RNF11: variants seen among roughly 807,000 people sequenced by gnomAD.
RNF11 encodes the protein ring finger protein 11.
RNF11 carries 4 observed loss-of-function variants against 15.8 expected under a neutral mutation model. That is an observed-to-expected ratio of 0.25 (90% CI 0.12 to 0.58). The LOEUF (loss-of-function observed/expected upper bound fraction) is 0.58. RNF11 is among the 20% of genes least tolerant of loss of function. The probability of loss-of-function intolerance (pLI) is 0.91; values close to 1 mark genes in which losing one functional copy is unlikely to be tolerated. For missense variants in RNF11, 139 were observed against 194.4 expected, an observed-to-expected ratio of 0.71 and a Z score of 1.70; for synonymous variants, 68 against 72.3, an observed-to-expected ratio of 0.94 and a Z score of 0.30.
intron 1 of RNF11, among the ~76,000 whole-genome samples, chr1:51,263,483 G>A (rs1044043640): frequency 6.6e-6 from 1 of 152,136 alleles, no homozygotes; most frequent in African/African-American, 2.4e-5. Flanking sequence ...ACAACTTGAA[G>A]GTTTGTGGCA....
At chr1:51,264,323 C>CAA (rs1646945933) in intron 1 of RNF11, among the ~76,000 whole-genome samples, 1 of 103,874 alleles carries the variant, frequency 9.6e-6, no homozygotes, top group Non-Finnish European at 1.9e-5. Flanking sequence ...TATATACACA[C>CAA]ACACACACAC....
chr1:51,270,137 T>G lies in RNF11; in HGVS notation c.293+12T>G, dbSNP rs1646971650. 1 of 1,584,772 alleles carries G rather than the reference T, an allele frequency of 6.3e-7. No homozygotes were observed. Among genetic ancestry groups the G allele is most frequent in the Non-Finnish European group, 8.5e-7 (1 of 1,169,914 alleles). On this transcript the variant is annotated intron_variant, in intron 2 of 2. Transcript: ENST00000242719. The stretch of plus-strand genomic sequence containing the variant: ...AAAAAGATCCGGGAGTAAGTTTTAA[T>G]TAATTTGTACATTTCAAAGTTTTAT...
chr1:51,240,453 C>T (rs1553168353), intron 1 of RNF11, among the ~76,000 whole-genome samples: 1 of 152,136 alleles, frequency 6.6e-6, no homozygotes, highest in Non-Finnish European at 1.5e-5. Context: ...TGTTGTTTTC[C>T]CCCCCAATAC....
chr1:51,266,866 T>C (rs758019414), intron 1 of RNF11, among the ~76,000 whole-genome samples: 12 of 152,274 alleles, frequency 7.9e-5, no homozygotes, highest in East Asian at 1.9e-4. Context: ...TATATAATTA[T>C]GTTGAGTCCC....
rs1053981473 is a variant in RNF11 at position 51,236,340 on chromosome 1, C to T, written c.-417C>T. ...AGGCGGAGTAGGATGAGGCCCGCGG[C>T]CGTGGCTCCGGCGTCGGCGGGGGCA... On this transcript the variant is annotated 5_prime_UTR_variant, in exon 1 of 3. Coordinates refer to ENST00000242719, the MANE Select transcript of RNF11 (RefSeq NM_014372.5). 1.2e-4 allele frequency: 19 copies of T among 154,516 alleles called. No individual in the cohort carries two copies. The highest frequency in any genetic ancestry group is 5.7e-5 in the Non-Finnish European group (4 of 69,626). 9.6% of individuals were successfully genotyped at this position (154,516 alleles called of 1,614,324 possible). A position where few individuals can be genotyped will look rare whatever the true frequency, so the allele number is the denominator to read the frequency against.
At chr1:51,249,272 A>G (rs1646866501) in intron 1 of RNF11, among the ~76,000 whole-genome samples, 1 of 152,154 alleles carries the variant, frequency 6.6e-6, no homozygotes, top group Admixed American at 6.6e-5. Context: ...TGACTGATTG[A>G]TTGGTCGATT....
In RNF11 at chr1:51,257,854, T is replaced by TTTTC. The variant is rs908579605; in HGVS notation, c.124-12099_124-12098insCTTT. On this transcript the variant is annotated intron_variant, in intron 1 of 2. Transcript: ENST00000242719. Reference sequence around the variant, plus strand: ...TTCTTATTTCTTTTCTTTTCTTTTCTTTTTTTTTTTTTTTTTTGAGACAAA... The same window carrying TTTTC: ...TTCTTATTTCTTTTCTTTTCTTTTCTTTTCTTTTTTTTTTTTTTTTTGAGACAAA... Among the ~76,000 whole-genome samples, 16 of 116,480 alleles carry TTTTC rather than the reference T, an allele frequency of 1.4e-4. No homozygotes were observed. The South Asian group carries it at 1.5e-3, about 11-fold the overall frequency. 76.4% of individuals were successfully genotyped at this position (116,480 alleles called of 152,430 possible).
intron 1 of RNF11, among the ~76,000 whole-genome samples, chr1:51,261,346 A>G (rs1646929865): frequency 6.6e-6 from 1 of 152,174 alleles, no homozygotes; most frequent in Non-Finnish European, 1.5e-5. Context: ...CATGGCAAAA[A>G]AAAAAAGTGT....
intron 1 of RNF11, among the ~76,000 whole-genome samples, chr1:51,239,181 G>A (rs1646818157): frequency 1.3e-5 from 2 of 152,030 alleles, no homozygotes; most frequent in Non-Finnish European, 2.9e-5. Flanking sequence ...TTTCTTAATT[G>A]AATATCTTTG....
intron 1 of RNF11, among the ~76,000 whole-genome samples, chr1:51,255,798 A>T (rs1646901892): frequency 6.6e-6 from 1 of 152,194 alleles, no homozygotes; most frequent in Non-Finnish European, 1.5e-5. Context: ...ATGAGAGTAC[A>T]TCTCTGGACT....
At chr1:51,239,611 A>G (rs1646819744) in intron 1 of RNF11, among the ~76,000 whole-genome samples, 1 of 152,066 alleles carries the variant, frequency 6.6e-6, no homozygotes, top group Admixed American at 6.6e-5. Context: ...TCCAGGTTAG[A>G]CTGGATTGCT....
Position 51,272,582 on chromosome 1 carries a change from C to T in RNF11, c.*1260C>T, listed in dbSNP as rs1183378906. The T allele has an allele frequency of 1.3e-5, 2 of 152,550 alleles. No homozygotes were observed. The highest frequency in any genetic ancestry group is 2.9e-5 in the Non-Finnish European group (2 of 67,982). The allele number at this position is 152,550 out of a possible 1,614,324, so 9.4% of individuals were successfully genotyped here. ...CAGTTAATGTAAGAATACTTTAAAT[C>T]TCTAAGCTTCTGAAGTGTTAGAGGT... On this transcript the variant is annotated 3_prime_UTR_variant, in exon 3 of 3. Coordinates refer to ENST00000242719, the MANE Select transcript of RNF11 (RefSeq NM_014372.5).
chr1:51,260,861 A>G (rs1646927844), intron 1 of RNF11, among the ~76,000 whole-genome samples: 1 of 152,160 alleles, frequency 6.6e-6, no homozygotes, highest in African/African-American at 2.4e-5. Context: ...TTGCATTTTC[A>G]CTTGTGAATA....
intron 1 of RNF11, among the ~76,000 whole-genome samples, chr1:51,255,726 A>G (rs1417371047): frequency 6.6e-6 from 1 of 152,202 alleles, no homozygotes; most frequent in African/African-American, 2.4e-5. Flanking sequence ...TTTGTTGAAA[A>G]TAGTTTTCTT....
At chr1:51,249,693 A>G (rs941807941) in intron 1 of RNF11, among the ~76,000 whole-genome samples, 25 of 152,162 alleles carry the variant, frequency 1.6e-4, no homozygotes, top group African/African-American at 5.8e-4. Flanking sequence ...AATATACCAC[A>G]TTTTACTTAT....
chr1:51,259,498 T>C (rs1050734320), intron 1 of RNF11, among the ~76,000 whole-genome samples: 3 of 152,230 alleles, frequency 2.0e-5, no homozygotes, highest in African/African-American at 7.2e-5. Context: ...TTAAAAAATG[T>C]TGTATAATGC....
intron 2 of RNF11, 88 bp from the exon 3 acceptor site, chr1:51,271,063 T>A: frequency 9.0e-7 from 1 of 1,115,864 alleles, no homozygotes; most frequent in Non-Finnish European, 1.3e-6. Context: ...TTACTCAGAT[T>A]AACACTGTCT....
At chr1:51,257,460 T>C (rs1470411300) in intron 1 of RNF11, among the ~76,000 whole-genome samples, 1 of 152,138 alleles carries the variant, frequency 6.6e-6, no homozygotes, top group Non-Finnish European at 1.5e-5. Context: ...ATTTTTTGTT[T>C]GTTTTTTTGT....
At chr1:51,253,209 G>A (rs1281680835) in intron 1 of RNF11, among the ~76,000 whole-genome samples, 1 of 152,084 alleles carries the variant, frequency 6.6e-6, no homozygotes, top group African/African-American at 2.4e-5. Flanking sequence ...AAAAAAGAAT[G>A]GTAATTGTTC....
Sources: allele counts gnomAD v4.1 joint callset (sites outside exome capture counted in the v4.1 genomes callset), GRCh38; gene constraint gnomAD v4.1.1; transcripts MANE v1.5; gene names NCBI Gene and HGNC (gene_info 2026-07-23, HGNC 2026-07-21).